The following UPF3A variants were observed in gnomAD, a reference collection of about 807,000 sequenced individuals.
UPF3A encodes regulator of nonsense transcripts 3A.
Under a neutral mutation model 53.5 loss-of-function variants are expected in UPF3A, and 42 were observed. The ratio of observed to expected loss-of-function variants is 0.78; its 90% CI spans 0.61 to 1.01. UPF3A has a LOEUF of 1.01. Among genes scored for constraint, UPF3A ranks in the 50% least tolerant of loss-of-function variants. The pLI, the probability that UPF3A is intolerant of heterozygous loss-of-function variation, is 0.00. For synonymous variants in UPF3A, 237 were observed against 225.3 expected (o/e 1.05, Z -0.47); for missense variants, 575 against 598.0 (o/e 0.96, Z 0.40).
At chr13:114,299,575 CT>C (rs2086398418) in intron 8 of UPF3A, among the ~76,000 whole-genome samples, 1 of 152,196 alleles carries the variant, frequency 6.6e-6, no homozygotes, top group African/African-American at 2.4e-5. Context: ...CTCCCTTTTT[CT>C]TTTCCTTTGC....
At chr13:114,282,556 C>A (rs919218498) in intron 2 of UPF3A, 30 of 985,490 alleles carry the variant, frequency 3.0e-5, no homozygotes, top group Middle Eastern at 5.2e-4. Flanking sequence ...CTCTCGGCGC[C>A]ACGGGTTCCT....
At chr13:114,301,516 C>G (rs1425139932) in intron 8 of UPF3A, among the ~76,000 whole-genome samples, 1 of 151,914 alleles carries the variant, frequency 6.6e-6, no homozygotes, top group Non-Finnish European at 1.5e-5. Flanking sequence ...ATCTGTCACT[C>G]AACTGAAATG....
chr13:114,298,867 G>T lies in UPF3A; in HGVS notation c.874G>T (p.Glu292Ter), dbSNP rs560113415. 1.3e-6 allele frequency: 2 copies of T among 1,584,884 alleles called. No homozygotes were observed. Among genetic ancestry groups the T allele is most frequent in the Admixed American group, 1.9e-5 (1 of 53,430 alleles). ...KLLKKPEKGEEPTTEKPKERG... is the reference protein window; with the variant it reads ...KLLKKPEKGE Reference sequence around the variant, plus strand: ...TCTTAAGAAACCAGAAAAGGGAGAGGAACCAACCACAGAGAAACCAAAAGA... The same window carrying T: ...TCTTAAGAAACCAGAAAAGGGAGAGTAACCAACCACAGAGAAACCAAAAGA... Residue 292 changes from glutamate to a stop codon, truncating the protein, a stop_gained, in exon 8 of 10, where the codon GAA becomes TAA. Transcript: ENST00000375299. LOFTEE classifies it high-confidence loss of function.
intron 7 of UPF3A, among the ~76,000 whole-genome samples, chr13:114,295,086 T>C (rs1391723375): frequency 5.1e-5 from 7 of 136,238 alleles, no homozygotes; most frequent in Middle Eastern, 7.8e-3. Flanking sequence ...CACTCCAGCC[T>C]GGGCGACAGA....
intron 2 of UPF3A, 144 bp from the exon 3 acceptor site, chr13:114,282,693 C>A (rs9562188): frequency 0.045 from 66,140 of 1,474,178 alleles, 4,609 homozygotes; most frequent in East Asian, 0.39. Flanking sequence ...TAAAGAATAT[C>A]CAAGTTGTTA....
intron 3 of UPF3A, chr13:114,283,673 C>G: frequency 2.7e-6 from 2 of 735,020 alleles, no homozygotes; most frequent in Non-Finnish European, 3.3e-6. Context: ...GAAGTCACTG[C>G]TGTTAAACAG....
rs576285496 is a variant in UPF3A at position 114,291,737 on chromosome 13, A to G, written c.791A>G (p.Lys264Arg). 4 of 1,597,728 alleles carry G rather than the reference A, an allele frequency of 2.5e-6. No individual in the cohort carries two copies. Among genetic ancestry groups the G allele is most frequent in the Admixed American group, 3.4e-5 (2 of 58,554 alleles). ...KRRRREEERC[K>R]KKETDKQKKI... Reference sequence around the variant, plus strand: ...AGAAGAAGAGAAGAAGAAAGATGCAAAAAAAAAGAGACAGATAAACAGAAG... The same window carrying G: ...AGAAGAAGAGAAGAAGAAAGATGCAGAAAAAAAGAGACAGATAAACAGAAG... Residue 264 changes from lysine to arginine, a missense_variant, in exon 7 of 10, where the codon AAA becomes AGA. This residue lies in a region of UPF3A where 323 missense variants were observed against 415.2 expected (regional missense o/e 0.78). Transcript: ENST00000375299.
intron 7 of UPF3A, among the ~76,000 whole-genome samples, chr13:114,292,594 G>A (rs1184687124): frequency 2.5e-5 from 3 of 119,820 alleles, no homozygotes; most frequent in Admixed American, 1.8e-4. Flanking sequence ...GGTGTGTTAC[G>A]TGTTCATTTT....
chr13:114,286,868 T>C, intron 5 of UPF3A: 3 of 494,944 alleles, frequency 6.1e-6, no homozygotes, highest in Non-Finnish European at 7.3e-6. Context: ...TTTTAAGTTA[T>C]GATGCTTCCG....
intron 2 of UPF3A, chr13:114,282,366 G>C: frequency 9.0e-7 from 1 of 1,114,526 alleles, no homozygotes; most frequent in Non-Finnish European, 1.2e-6. Context: ...CTAACGCTTA[G>C]GAAAGCGGGT....
chr13:114,298,099 CGG>C (rs2139330846), intron 7 of UPF3A, among the ~76,000 whole-genome samples: 1 of 151,868 alleles, frequency 6.6e-6, no homozygotes, highest in African/African-American at 2.4e-5. Flanking sequence ...GGGCTGGGCA[CGG>C]TGGCTCACGC....
chr13:114,289,664 A>G (rs947521035), intron 5 of UPF3A, among the ~76,000 whole-genome samples: 1 of 152,212 alleles, frequency 6.6e-6, no homozygotes, highest in African/African-American at 2.4e-5. Context: ...GTTTCTGGCA[A>G]GGACTCTGGA....
chr13:114,282,533 A>C, intron 2 of UPF3A: 1 of 985,418 alleles, frequency 1.0e-6, no homozygotes, highest in South Asian at 4.7e-5. Context: ...GAAGGTCCCC[A>C]AGTCAGGAGA....
At chr13:114,294,895 T>G (rs187147632) in intron 7 of UPF3A, among the ~76,000 whole-genome samples, 3,150 of 127,438 alleles carry the variant, frequency 0.025, 38 homozygotes, top group Non-Finnish European at 0.039. Flanking sequence ...GGCGGATCAT[T>G]AGGTCAGGAG....
chr13:114,284,131 A>G (rs1378680106), intron 3 of UPF3A: 2 of 938,878 alleles, frequency 2.1e-6, no homozygotes, highest in Non-Finnish European at 2.5e-6. Context: ...TAGGAGGCCA[A>G]GGCGGGTGGA....
chr13:114,286,914 C>T (rs1056680375), intron 5 of UPF3A: 1 of 314,502 alleles, frequency 3.2e-6, no homozygotes, highest in Non-Finnish European at 5.9e-6. Flanking sequence ...ATGGTCTGTT[C>T]CTGAGCGTCA....
rs1163427757 is a variant in UPF3A at position 114,281,951 on chromosome 13, G to T, written c.208-70G>T. On this transcript the variant is annotated intron_variant, in intron 1 of 9. Coordinates refer to ENST00000375299, the MANE Select transcript of UPF3A (RefSeq NM_023011.4). ...GGGCGGGGGCCGGGCCTCCCAGCGC[G>T]GTACGCGGTGCCTTTTGAGCTCCTT... is the stretch of plus-strand genomic sequence containing the variant. 10 of 1,419,692 alleles carry T rather than the reference G, an allele frequency of 7.0e-6. No individual in the cohort carries two copies. In the Admixed American group the frequency reaches 1.6e-4, roughly 23 times the overall value. 87.9% of individuals were successfully genotyped at this position (1,419,692 alleles called of 1,614,324 possible).
chr13:114,302,972 C>T lies in UPF3A; in HGVS notation c.1302+947C>T, dbSNP rs145222519. On this transcript the variant is annotated intron_variant, in intron 9 of 9. Coordinates refer to ENST00000375299, the MANE Select transcript of UPF3A (RefSeq NM_023011.4). ...CAAAAAATAGCTGGGCGTGGTGGCG[C>T]GCCTGTAATCCCAGCTACTCAGGAG... Among the ~76,000 whole-genome samples the T allele has an allele frequency of 6.2e-3, 950 of 152,162 alleles. 17 individuals carry two copies. Among genetic ancestry groups the T allele is most frequent in the Admixed American group, 0.047 (718 of 15,276 alleles).
At chr13:114,301,629 T>A in intron 8 of UPF3A, 102 bp from the exon 9 acceptor site, 1 of 1,230,478 alleles carries the variant, frequency 8.1e-7, no homozygotes, top group Non-Finnish European at 1.2e-6. Flanking sequence ...GCTGAGCACT[T>A]CGCATGGGTC....
Sources: gnomAD v4.1 joint callset for allele counts (sites outside exome capture counted in the v4.1 genomes callset) on GRCh38, gnomAD v4.1.1 for gene constraint, gnomAD v4.1.1 regional missense constraint, MANE v1.5 for transcripts, NCBI Gene and HGNC (gene_info 2026-07-23, HGNC 2026-07-21) for gene names.